HOMER1: variants seen among roughly 807,000 people sequenced by gnomAD.
HOMER1 encodes the protein homer protein homolog 1.
In HOMER1, 3 loss-of-function variants were observed where a neutral mutation model predicts 48.9. That is an observed-to-expected ratio of 0.06 (90% CI 0.03 to 0.16). HOMER1 has a LOEUF of 0.16. Ranked by LOEUF, HOMER1 falls within the 10% of genes least tolerant of loss-of-function variation. The probability of loss-of-function intolerance (pLI) is 1.00; values close to 1 mark genes in which losing one functional copy is unlikely to be tolerated. For synonymous variants in HOMER1, 134 were observed against 146.4 expected (o/e 0.92, Z 0.61); for missense variants, 247 against 411.4 (o/e 0.60, Z 3.46).
At chr5:79,416,767 G>C (rs988898065) in intron 5 of HOMER1, among the ~76,000 whole-genome samples, 1 of 152,146 alleles carries the variant, frequency 6.6e-6, no homozygotes, top group Non-Finnish European at 1.5e-5. Flanking sequence ...TTGTATCCTC[G>C]CTGCTGGTTT....
intron 2 of HOMER1, among the ~76,000 whole-genome samples, chr5:79,451,381 CAA>C (rs1437298346): frequency 3.3e-5 from 5 of 151,912 alleles, no homozygotes; most frequent in Admixed American, 2.0e-4. Context: ...CAAAAAGTGT[CAA>C]AGAGTTTTTA....
chr5:79,441,970 T>G (rs530745255), intron 4 of HOMER1, among the ~76,000 whole-genome samples: 441 of 148,642 alleles, frequency 3.0e-3, no homozygotes, highest in African/African-American at 9.8e-3. Context: ...TTTTTTGGGG[T>G]GTGTGTGTGT....
intron 8 of HOMER1, among the ~76,000 whole-genome samples, chr5:79,379,241 A>ATATTT (rs1554056140): frequency 3.1e-5 from 2 of 65,044 alleles, no homozygotes; most frequent in Non-Finnish European, 5.7e-5. Context: ...TATATTATAT[A>ATATTT]TTATATATAT....
At chr5:79,506,868 A>G (rs1752787027) in intron 1 of HOMER1, among the ~76,000 whole-genome samples, 1 of 147,502 alleles carries the variant, frequency 6.8e-6, no homozygotes, top group African/African-American at 2.6e-5. Flanking sequence ...ATATATATAT[A>G]TGATTTTATT....
chr5:79,391,540 C>T (rs942320559), intron 8 of HOMER1, among the ~76,000 whole-genome samples: 16 of 151,540 alleles, frequency 1.1e-4, no homozygotes, highest in Middle Eastern at 3.4e-3. Context: ...GTCAGGAGAT[C>T]GAGACCATCC....
chr5:79,463,926 T>C (rs933488350), intron 1 of HOMER1, among the ~76,000 whole-genome samples: 3 of 152,162 alleles, frequency 2.0e-5, no homozygotes, highest in Non-Finnish European at 2.9e-5. Flanking sequence ...AAAATAGTAA[T>C]ATAAGAGCTT....
intron 1 of HOMER1, among the ~76,000 whole-genome samples, chr5:79,491,454 A>G (rs975484112): frequency 6.6e-6 from 1 of 151,206 alleles, no homozygotes; most frequent in Non-Finnish European, 1.5e-5. Flanking sequence ...AAAAAAAAAA[A>G]AAAAAAAAGG....
intron 1 of HOMER1, among the ~76,000 whole-genome samples, chr5:79,469,780 A>G (rs1751570394): frequency 6.6e-6 from 1 of 151,944 alleles, no homozygotes; most frequent in Admixed American, 6.6e-5. Flanking sequence ...GACACAAGCT[A>G]CCTCGCCCCA....
At chr5:79,405,115 C>T (rs568506012) in intron 5 of HOMER1, among the ~76,000 whole-genome samples, 16 of 152,128 alleles carry the variant, frequency 1.1e-4, no homozygotes, top group African/African-American at 3.6e-4. Flanking sequence ...TATTTGGAGA[C>T]AGAGTCTTTA....
intron 1 of HOMER1, among the ~76,000 whole-genome samples, chr5:79,489,025 T>C (rs1752196517): frequency 6.6e-6 from 1 of 152,190 alleles, no homozygotes; most frequent in African/African-American, 2.4e-5. Context: ...GAGTACCTAG[T>C]GAATGCCAGG....
At chr5:79,424,058 TG>T (rs979864896) in intron 5 of HOMER1, among the ~76,000 whole-genome samples, 2 of 152,098 alleles carry the variant, frequency 1.3e-5, no homozygotes, top group Non-Finnish European at 2.9e-5. Context: ...AAATGGGAAC[TG>T]GTACAAGAAG....
intron 5 of HOMER1, among the ~76,000 whole-genome samples, chr5:79,403,792 T>C (rs915259104): frequency 6.6e-6 from 1 of 152,220 alleles, no homozygotes; most frequent in Admixed American, 6.5e-5. Context: ...TGTACAGTTT[T>C]TGTGATTTTT....
chr5:79,390,131 A>T (rs533711562), intron 8 of HOMER1, among the ~76,000 whole-genome samples: 14 of 152,152 alleles, frequency 9.2e-5, no homozygotes, highest in African/African-American at 3.1e-4. Context: ...ACAAAAAATT[A>T]AAAAATTAGC....
intron 1 of HOMER1, among the ~76,000 whole-genome samples, chr5:79,458,137 T>TA (rs1435855737): frequency 6.6e-6 from 1 of 152,042 alleles, no homozygotes; most frequent in Non-Finnish European, 1.5e-5. Flanking sequence ...CCAAAACTAA[T>TA]AAAAAATACT....
chr5:79,448,546 A>AT (rs1208601350), intron 3 of HOMER1, among the ~76,000 whole-genome samples: 4 of 151,924 alleles, frequency 2.6e-5, no homozygotes, highest in African/African-American at 4.8e-5. Flanking sequence ...GAGACCACAC[A>AT]TTTTTTTTCA....
intron 8 of HOMER1, among the ~76,000 whole-genome samples, chr5:79,391,541 G>C (rs1039257783): frequency 1.3e-5 from 2 of 151,634 alleles, no homozygotes; most frequent in Admixed American, 6.6e-5. Context: ...TCAGGAGATC[G>C]AGACCATCCT....
intron 5 of HOMER1, among the ~76,000 whole-genome samples, chr5:79,409,011 G>A (rs943211393): frequency 6.0e-5 from 9 of 149,342 alleles, no homozygotes; most frequent in African/African-American, 2.3e-4. Flanking sequence ...GAACCTAGGA[G>A]GCAGAGGTTG....
chr5:79,410,615 C>T (rs895054987), intron 5 of HOMER1, among the ~76,000 whole-genome samples: 1 of 151,592 alleles, frequency 6.6e-6, no homozygotes, highest in Non-Finnish European at 1.5e-5. Flanking sequence ...ATAATAAATG[C>T]TCCTATTAGA....
Position 79,372,671 on chromosome 5 carries a change from G to A in HOMER1, c.*3338C>T, listed in dbSNP as rs1250933414. ...GTTAAAACAACAATAAGAATCCACT[G>A]CCATCAAACAAACTTTCCCCGACCT... On this transcript the variant is annotated 3_prime_UTR_variant, in exon 9 of 9. Coordinates refer to ENST00000334082, the MANE Select transcript of HOMER1 (RefSeq NM_004272.5). 6.6e-6 allele frequency: 1 copy of A among 152,104 alleles called. No homozygotes were observed. Among genetic ancestry groups the A allele is most frequent in the Non-Finnish European group, 1.5e-5 (1 of 68,006 alleles). The allele number at this position is 152,104 out of a possible 1,614,324, so 9.4% of individuals were successfully genotyped here. A position where few individuals can be genotyped will look rare whatever the true frequency, so the allele number is the denominator to read the frequency against.
Sources: allele counts gnomAD v4.1 joint callset (sites outside exome capture counted in the v4.1 genomes callset), GRCh38; gene constraint gnomAD v4.1.1; transcripts MANE v1.5; gene names NCBI Gene and HGNC (gene_info 2026-07-23, HGNC 2026-07-21).